The following CLMP variants were observed in gnomAD, a reference collection of about 807,000 sequenced individuals.
CLMP encodes the protein CXADR like cell adhesion molecule, also known as CXADR-like membrane protein.
Under a neutral mutation model 45.2 loss-of-function variants are expected in CLMP, and 27 were observed. The ratio of observed to expected loss-of-function variants is 0.60; its 90% CI spans 0.44 to 0.82. The LOEUF (loss-of-function observed/expected upper bound fraction) is 0.82. Among genes scored for constraint, CLMP ranks in the 40% least tolerant of loss-of-function variants. The pLI is 0.00. For synonymous variants in CLMP, 167 were observed against 171.4 expected (o/e 0.97, Z 0.20); for missense variants, 403 against 448.4 (o/e 0.90, Z 0.91).
chr11:123,107,534 A>ATTTTT (rs370750162), intron 1 of CLMP, among the ~76,000 whole-genome samples: 5 of 123,402 alleles, frequency 4.1e-5, no homozygotes, highest in Non-Finnish European at 6.7e-5. Context: ...CCTGACCTAA[A>ATTTTT]TTTTTTTTTT....
At chr11:123,152,932 T>C (rs1171430237) in intron 1 of CLMP, among the ~76,000 whole-genome samples, 1 of 152,114 alleles carries the variant, frequency 6.6e-6, no homozygotes, top group East Asian at 1.9e-4. Flanking sequence ...GCGTAATATC[T>C]GGAGGGAGAG....
intron 1 of CLMP, among the ~76,000 whole-genome samples, chr11:123,129,220 C>T (rs1434825422): frequency 6.6e-6 from 1 of 151,710 alleles, no homozygotes; most frequent in Non-Finnish European, 1.5e-5. Flanking sequence ...ATCCCAGCTA[C>T]TCAGGAGGCT....
chr11:123,157,517 C>T (rs758528917), intron 1 of CLMP, among the ~76,000 whole-genome samples: 4 of 152,084 alleles, frequency 2.6e-5, no homozygotes, highest in African/African-American at 4.8e-5. Context: ...CGCGCCATTG[C>T]ACTTCAGCCT....
chr11:123,108,103 C>G (rs559184119), intron 1 of CLMP, among the ~76,000 whole-genome samples: 3 of 152,078 alleles, frequency 2.0e-5, no homozygotes, highest in Admixed American at 1.3e-4. Context: ...ACCACCTGTC[C>G]TCTCCGATCA....
At chr11:123,102,701 G>A (rs7942866) in intron 1 of CLMP, among the ~76,000 whole-genome samples, 12,423 of 137,972 alleles carry the variant, frequency 0.09, 756 homozygotes, top group East Asian at 0.15. Context: ...TCAGCCTCCC[G>A]AGTAGCTTTT....
intron 2 of CLMP, among the ~76,000 whole-genome samples, chr11:123,096,350 T>G (rs988116467): frequency 6.6e-6 from 1 of 151,960 alleles, no homozygotes; most frequent in African/African-American, 2.4e-5. Context: ...TGAGACTTCA[T>G]CTCAAACAAC....
chr11:123,137,176 T>G (rs1164281301), intron 1 of CLMP, among the ~76,000 whole-genome samples: 1 of 119,210 alleles, frequency 8.4e-6, no homozygotes, highest in Non-Finnish European at 1.7e-5. Flanking sequence ...TTTTTTGAGA[T>G]GGAGTCTCGC....
Position 123,102,995 on chromosome 11 carries a change from A to G in CLMP, c.29-5043T>C, listed in dbSNP as rs117011887. Among the ~76,000 whole-genome samples, 302 of 152,116 alleles carry G rather than the reference A, an allele frequency of 2.0e-3. 1 individual carries two copies. Among genetic ancestry groups the G allele is most frequent in the Non-Finnish European group, 3.7e-3 (254 of 67,982 alleles). On this transcript the variant is annotated intron_variant, in intron 1 of 6. Transcript: ENST00000448775. Reference sequence around the variant, plus strand: ...GTCTCACACTGCAGGTGTTCAATTAATATTTGTTGAATTTATCTGAGTGTA... The same window carrying G: ...GTCTCACACTGCAGGTGTTCAATTAGTATTTGTTGAATTTATCTGAGTGTA...
chr11:123,160,480 G>A (rs1227022518), intron 1 of CLMP, among the ~76,000 whole-genome samples: 1 of 152,056 alleles, frequency 6.6e-6, no homozygotes, highest in Non-Finnish European at 1.5e-5. Flanking sequence ...TTAATTTCAA[G>A]GGGAAATCAG....
rs1462228647 is a variant in CLMP at position 123,099,122 on chromosome 11, G to A, written c.29-1170C>T. Among the ~76,000 whole-genome samples, 12 of 152,118 alleles carry A rather than the reference G, an allele frequency of 7.9e-5. No homozygotes were observed. The East Asian group carries it at 1.3e-3, about 17-fold the overall frequency. ...GCTAGAATTGCAGGCATGAGCCACCGTGCCTGGAAACAACTGTGTTTTTGA... is the reference window on the plus strand; with the variant it reads ...GCTAGAATTGCAGGCATGAGCCACCATGCCTGGAAACAACTGTGTTTTTGA... On this transcript the variant is annotated intron_variant, in intron 1 of 6. Coordinates refer to ENST00000448775, the MANE Select transcript of CLMP (RefSeq NM_024769.5).
intron 1 of CLMP, among the ~76,000 whole-genome samples, chr11:123,161,721 T>C (rs1164785841): frequency 6.6e-6 from 1 of 152,084 alleles, no homozygotes; most frequent in Non-Finnish European, 1.5e-5. Flanking sequence ...CAAAAATAAA[T>C]ACAGAATGGC....
At chr11:123,097,699 G>T in intron 2 of CLMP, 96 bp downstream of exon 2, 1 of 963,320 alleles carries the variant, frequency 1.0e-6, no homozygotes, top group Non-Finnish European at 1.5e-6. Context: ...AGGAACTCCA[G>T]CTCTTTCAGA....
intron 1 of CLMP, among the ~76,000 whole-genome samples, chr11:123,172,332 C>G (rs1195426351): frequency 6.6e-6 from 1 of 151,966 alleles, no homozygotes; most frequent in African/African-American, 2.4e-5. Context: ...AGGATGGTCT[C>G]GATCTCCTGA....
At chr11:123,125,696 C>T (rs570454474) in intron 1 of CLMP, among the ~76,000 whole-genome samples, 55 of 151,358 alleles carry the variant, frequency 3.6e-4, no homozygotes, top group African/African-American at 1.3e-3. Flanking sequence ...CTCTGCCTCC[C>T]GGGTTCAAGT....
intron 5 of CLMP, 54 bp downstream of exon 5, chr11:123,083,031 C>T: frequency 6.2e-7 from 1 of 1,603,166 alleles, no homozygotes; most frequent in Non-Finnish European, 8.5e-7. Context: ...TAACATTGAT[C>T]TACAATGCAA....
chr11:123,128,428 G>A lies in CLMP; in HGVS notation c.29-30476C>T, dbSNP rs145098821. Among the ~76,000 whole-genome samples, 152 of 152,114 alleles carry A rather than the reference G, an allele frequency of 1.0e-3. 2 individuals carry two copies. The East Asian group carries it at 0.028, about 28-fold the overall frequency. On this transcript the variant is annotated intron_variant, in intron 1 of 6. Transcript: ENST00000448775. ...CATGGTGGCTCAGGCCTGTAATTCC[G>A]AGGTGGGAGGATCGCTTGAGCCCAG...
In CLMP at chr11:123,179,502, T is replaced by C. The variant is rs117046892; in HGVS notation, c.28+15411A>G. 1.3e-3 allele frequency among the ~76,000 whole-genome samples: 198 copies of C among 152,284 alleles called. 4 individuals carry two copies. In the East Asian group the frequency reaches 0.033, roughly 25 times the overall value. ...CTGTAATGGCAAACCCTAGAGCCGC[T>C]AGAGGGGTCTTGTTCATGAGGCAGA... is the stretch of plus-strand genomic sequence containing the variant. On this transcript the variant is annotated intron_variant, in intron 1 of 6. Transcript: ENST00000448775.
At chr11:123,085,182 CTTT>C (rs112855358) in intron 2 of CLMP, among the ~76,000 whole-genome samples, 12,009 of 136,934 alleles carry the variant, frequency 0.088, 1,002 homozygotes, top group African/African-American at 0.22. Flanking sequence ...GCCTCCCATT[CTTT>C]TTTTTTTTTT....
chr11:123,161,388 C>T (rs934018204), intron 1 of CLMP, among the ~76,000 whole-genome samples: 1 of 151,770 alleles, frequency 6.6e-6, no homozygotes, highest in South Asian at 2.1e-4. Flanking sequence ...AGAATGGGTT[C>T]GGGTATGGTG....
Sources: gnomAD v4.1 joint callset for allele counts (sites outside exome capture counted in the v4.1 genomes callset) on GRCh38, gnomAD v4.1.1 for gene constraint, MANE v1.5 for transcripts, NCBI Gene and HGNC (gene_info 2026-07-23, HGNC 2026-07-21) for gene names.